Variants in GRM8 observed in about 807,000 individuals in gnomAD.
GRM8 encodes the protein glutamate metabotropic receptor 8.
Under a neutral mutation model 87.2 loss-of-function variants are expected in GRM8, and 47 were observed. The observed-to-expected ratio is 0.54, with a 90% confidence interval of 0.43 to 0.69. The LOEUF (loss-of-function observed/expected upper bound fraction) is 0.69. Ranked by LOEUF, GRM8 falls within the 30% of genes least tolerant of loss-of-function variation. GRM8 has a pLI of 0.00. For synonymous variants in GRM8, 396 were observed against 404.5 expected, an observed-to-expected ratio of 0.98 and a Z score of 0.25; for missense variants, 1,019 against 1,139.2, an observed-to-expected ratio of 0.89 and a Z score of 1.52.
At chr7:126,650,620 T>C (rs891564907) in intron 7 of GRM8, among the ~76,000 whole-genome samples, 2 of 151,886 alleles carry the variant, frequency 1.3e-5, no homozygotes, top group Admixed American at 6.6e-5. Flanking sequence ...AGAAGCATGA[T>C]TGGAAAATTG....
At chr7:126,595,855 C>A (rs68155748) in intron 8 of GRM8, among the ~76,000 whole-genome samples, 1 of 151,762 alleles carries the variant, frequency 6.6e-6, no homozygotes, top group South Asian at 2.1e-4. Context: ...ATTTATAGTC[C>A]GGCTGGTCGC....
intron 9 of GRM8, among the ~76,000 whole-genome samples, chr7:126,448,653 C>T (rs143798745): frequency 1.9e-4 from 29 of 151,864 alleles, no homozygotes; most frequent in Non-Finnish European, 3.5e-4. Context: ...CTTCATTGGA[C>T]GCTATACTTT....
intron 8 of GRM8, among the ~76,000 whole-genome samples, chr7:126,574,002 CTCTCTA>C (rs1411123624): frequency 4.6e-5 from 7 of 152,170 alleles, no homozygotes; most frequent in Non-Finnish European, 7.3e-5. Context: ...AAAAGGTTGC[CTCTCTA>C]AGGAGGTCCA....
At position 126,855,030 on chromosome 7, in the gene GRM8, A is replaced by T. The variant is rs546956490; in HGVS notation, c.1156+47512T>A. 3.9e-5 allele frequency among the ~76,000 whole-genome samples: 6 copies of T among 152,274 alleles called. No individual in the cohort carries two copies. The South Asian group carries it at 1.2e-3, about 32-fold the overall frequency. On this transcript the variant is annotated intron_variant, in intron 6 of 10. Transcript: ENST00000339582. ...TCCAGCTCTCAGGGGGAATGCTTTC[A>T]GTTTTTCCCTGTTCAGTATAATGTT...
intron 7 of GRM8, among the ~76,000 whole-genome samples, chr7:126,734,277 A>C (rs965337494): frequency 6.6e-5 from 10 of 152,080 alleles, no homozygotes; most frequent in Middle Eastern, 6.8e-3. Flanking sequence ...TAAGTGGATA[A>C]ATTTTAAAAC....
intron 7 of GRM8, among the ~76,000 whole-genome samples, chr7:126,697,495 C>T (rs1215582929): frequency 6.6e-6 from 1 of 152,030 alleles, no homozygotes; most frequent in African/African-American, 2.4e-5. Flanking sequence ...ATGTAATATA[C>T]ATTTATCAAA....
intron 9 of GRM8, among the ~76,000 whole-genome samples, chr7:126,462,972 G>T (rs2150525355): frequency 6.6e-6 from 1 of 151,678 alleles, no homozygotes; most frequent in East Asian, 1.9e-4. Flanking sequence ...CATTGTATTG[G>T]ATTGTTTCTG....
intron 9 of GRM8, among the ~76,000 whole-genome samples, chr7:126,481,912 G>T (rs1038972014): frequency 6.6e-6 from 1 of 151,994 alleles, no homozygotes; most frequent in Admixed American, 6.6e-5. Flanking sequence ...CTTTTATAAT[G>T]CTTTTGTAAG....
At chr7:126,725,764 C>T (rs1812897846) in intron 7 of GRM8, among the ~76,000 whole-genome samples, 1 of 152,114 alleles carries the variant, frequency 6.6e-6, no homozygotes, top group African/African-American at 2.4e-5. Flanking sequence ...CTAGAGAGAC[C>T]TCAGGAAGCT....
chr7:127,063,561 G>A (rs1279211749), intron 3 of GRM8, among the ~76,000 whole-genome samples: 1 of 151,550 alleles, frequency 6.6e-6, no homozygotes, highest in Non-Finnish European at 1.5e-5. Flanking sequence ...GGGTGACACA[G>A]TAAGACTCTG....
chr7:126,455,868 G>T (rs770548335), intron 9 of GRM8, among the ~76,000 whole-genome samples: 3 of 151,372 alleles, frequency 2.0e-5, no homozygotes, highest in African/African-American at 4.8e-5. Context: ...CCAAGAATTA[G>T]CAAATACTTA....
intron 9 of GRM8, among the ~76,000 whole-genome samples, chr7:126,508,566 T>C (rs1295581961): frequency 2.0e-5 from 3 of 152,040 alleles, no homozygotes; most frequent in Non-Finnish European, 2.9e-5. Flanking sequence ...CAACAATAAA[T>C]GAATGAGATT....
intron 9 of GRM8, among the ~76,000 whole-genome samples, chr7:126,532,619 TAGC>T (rs1814986201): frequency 1.3e-5 from 2 of 152,054 alleles, no homozygotes; most frequent in East Asian, 3.9e-4. Flanking sequence ...TGTTAGCAGA[TAGC>T]AGAGCTGGGA....
intron 7 of GRM8, among the ~76,000 whole-genome samples, chr7:126,760,559 C>T (rs1288907454): frequency 5.3e-5 from 8 of 151,938 alleles, no homozygotes; most frequent in African/African-American, 1.2e-4. Context: ...TTTCCTTCAT[C>T]AGAAACAAAA....
At chr7:126,476,467 T>C (rs1175442236) in intron 9 of GRM8, among the ~76,000 whole-genome samples, 1 of 152,104 alleles carries the variant, frequency 6.6e-6, no homozygotes, top group Non-Finnish European at 1.5e-5. Context: ...ATACAAGTTG[T>C]GAAAATAGAG....
intron 2 of GRM8, among the ~76,000 whole-genome samples, chr7:127,189,026 G>C (rs891998847): frequency 6.6e-6 from 1 of 152,206 alleles, no homozygotes; most frequent in Non-Finnish European, 1.5e-5. Context: ...TGCCATAAAA[G>C]TTAGAAGCTT....
intron 7 of GRM8, among the ~76,000 whole-genome samples, chr7:126,714,935 A>T (rs1811555238): frequency 6.6e-6 from 1 of 152,196 alleles, no homozygotes; most frequent in African/African-American, 2.4e-5. Flanking sequence ...ACTGTATTGT[A>T]TTTATCGATA....
At chr7:126,673,298 G>A (rs1306742946) in intron 7 of GRM8, among the ~76,000 whole-genome samples, 2 of 152,124 alleles carry the variant, frequency 1.3e-5, no homozygotes, top group African/African-American at 4.8e-5. Context: ...GACAGACAAG[G>A]ACCCTGTCTT....
At chr7:127,212,636 C>G (rs1796289497) in intron 2 of GRM8, among the ~76,000 whole-genome samples, 1 of 151,980 alleles carries the variant, frequency 6.6e-6, no homozygotes, top group Non-Finnish European at 1.5e-5. Flanking sequence ...CCGGGATGGT[C>G]TCGATCTCCT....
Sources: allele counts gnomAD v4.1 joint callset (sites outside exome capture counted in the v4.1 genomes callset), GRCh38; gene constraint gnomAD v4.1.1; transcripts MANE v1.5; gene names NCBI Gene and HGNC (gene_info 2026-07-23, HGNC 2026-07-21).